FPGS: variants seen among roughly 807,000 people sequenced by gnomAD.
The protein encoded by FPGS is folylpolyglutamate synthase, mitochondrial.
Under a neutral mutation model 66.5 loss-of-function variants are expected in FPGS, and 53 were observed. The ratio of observed to expected loss-of-function variants is 0.80; its 90% CI spans 0.64 to 1.00. FPGS has a LOEUF of 1.00. FPGS is among the 50% of genes least tolerant of loss of function. The probability of loss-of-function intolerance (pLI) is 0.00; values close to 1 mark genes in which losing one functional copy is unlikely to be tolerated. For missense variants in FPGS, 702 were observed against 807.7 expected (o/e 0.87, Z 1.59); for synonymous variants, 348 against 350.9 (o/e 0.99, Z 0.09).
rs768817305 is a variant in FPGS at position 127,807,824 on chromosome 9, C to G, written c.744+136C>G. The G allele has an allele frequency of 1.6e-6, 1 of 625,750 alleles. No homozygotes were observed. The highest frequency in any genetic ancestry group is 2.8e-6 in the Non-Finnish European group (1 of 362,708). The allele number at this position is 625,750 out of a possible 1,614,324, so 38.8% of individuals were successfully genotyped here. On this transcript the variant is annotated intron_variant, in intron 8 of 14. Coordinates refer to ENST00000373247, the MANE Select transcript of FPGS (RefSeq NM_004957.6). This position sits in a 1 kb window ranked among gnomAD's most constrained non-coding sequence, Gnocchi z 5.8. ...TTCCCCATTGAAACGTGAGGGATGG[C>G]TGGGCATGGTGGCTTATATGCTTGC...
chr9:127,806,861 G>A (rs1588554241), intron 4 of FPGS, 112 bp from the exon 5 acceptor site: 4 of 777,054 alleles, frequency 5.1e-6, no homozygotes, highest in East Asian at 2.5e-5. Flanking sequence ...GGAACAAACC[G>A]AGGGACACAG....
rs1264757330 is a variant in FPGS at position 127,803,119 on chromosome 9, C to T, written c.138+57C>T. The T allele has an allele frequency of 2.3e-6, 3 of 1,297,762 alleles. No individual in the cohort carries two copies. In the East Asian group the frequency reaches 9.5e-5, roughly 41 times the overall value. The allele number at this position is 1,297,762 out of a possible 1,614,324, so 80.4% of individuals were successfully genotyped here. ...GGGCGCGACGACACGTGGGCCTGCG[C>T]TGAGCCGCAGAACATCCGGGCTCCG... is the stretch of plus-strand genomic sequence containing the variant. On this transcript the variant is annotated intron_variant, in intron 1 of 14. Coordinates refer to ENST00000373247, the MANE Select transcript of FPGS (RefSeq NM_004957.6).
At position 127,810,084 on chromosome 9, in the gene FPGS, C is replaced by T. The variant is rs1209926519; in HGVS notation, c.1265C>T (p.Ala422Val). The T allele has an allele frequency of 2.5e-6, 4 of 1,613,032 alleles. No individual in the cohort carries two copies. Among genetic ancestry groups the T allele is most frequent in the African/African-American group, 2.7e-5 (2 of 74,894 alleles). Residue 422 changes from alanine to valine, a missense_variant, in exon 13 of 15, where the codon GCG (alanine) becomes GTG (valine). This residue lies in a region of FPGS where 351 missense variants were observed against 363.7 expected (regional missense o/e 0.97). Transcript: ENST00000373247. ...AATGCTACCGGGGACCGGGACCCGG[C>T]GGCCCTGCTGAAGCTGCTGCAGGTG... ...LFNATGDRDP[A>V]ALLKLLQPCQ...
chr9:127,809,139 C>T (rs1232922609), intron 11 of FPGS, among the ~76,000 whole-genome samples: 1 of 152,038 alleles, frequency 6.6e-6, no homozygotes, highest in Non-Finnish European at 1.5e-5. Flanking sequence ...TGGGGATTCG[C>T]TGAGGTGACA....
In FPGS at chr9:127,813,906, T is replaced by G; in HGVS notation, c.*302T>G. The G allele has an allele frequency of 2.6e-6, 3 of 1,160,916 alleles. No individual in the cohort carries two copies. The highest frequency in any genetic ancestry group is 3.2e-6 in the Non-Finnish European group (3 of 942,964). The allele number at this position is 1,160,916 out of a possible 1,614,324, so 71.9% of individuals were successfully genotyped here. The stretch of plus-strand genomic sequence containing the variant: ...TGCCTCCTGGCTCAGGCCCAGCTTA[T>G]TGTGTGCGCTGCCTGGCCAGGCCCT... On this transcript the variant is annotated 3_prime_UTR_variant, in exon 15 of 15. Transcript: ENST00000373247.
intron 11 of FPGS, 127 bp downstream of exon 11, chr9:127,809,016 A>T: frequency 2.8e-6 from 2 of 725,910 alleles, no homozygotes; most frequent in Non-Finnish European, 4.5e-6. Flanking sequence ...GCTTAAGAGA[A>T]AGGACTCTGA....
At chr9:127,808,774 C>T (rs569113230) in intron 10 of FPGS, 26 bp from the exon 11 acceptor site, 1 of 1,554,718 alleles carries the variant, frequency 6.4e-7, no homozygotes, top group East Asian at 2.4e-5. Flanking sequence ...GGGTCCCGGA[C>T]ACACTTGGTC....
chr9:127,807,589 GC>G lies in FPGS; in HGVS notation c.647del (p.Pro216LeufsTer51). ...ATGGCCTTTTCCTCCCCTGCAGGAA[GC>G]CTGTGGTGTGCGGAGTCTCCTCTCT... ...AYDCTNIIRK[P>X]VVCGVSSLGI... On this transcript the variant is annotated frameshift_variant, in exon 8 of 15. Transcript: ENST00000373247. LOFTEE classifies it high-confidence loss of function. This position sits in a 1 kb window ranked among gnomAD's most constrained non-coding sequence, Gnocchi z 5.8. 6.2e-7 allele frequency: 1 copy of G among 1,613,514 alleles called. No individual in the cohort carries two copies. Among genetic ancestry groups the G allele is most frequent in the Non-Finnish European group, 8.5e-7 (1 of 1,179,704 alleles).
intron 4 of FPGS, among the ~76,000 whole-genome samples, chr9:127,805,545 C>T (rs527638123): frequency 3.0e-4 from 45 of 152,132 alleles, no homozygotes; most frequent in Non-Finnish European, 5.7e-4. Flanking sequence ...GGGAGGATCA[C>T]TGGAGCTCAG....
chr9:127,805,089 A>G (rs1037741742), intron 4 of FPGS, among the ~76,000 whole-genome samples: 1 of 152,028 alleles, frequency 6.6e-6, no homozygotes, highest in Admixed American at 6.6e-5. Context: ...GGGTTTCACC[A>G]TGTTGGCCAG....
In FPGS at chr9:127,813,611, C is replaced by T. The variant is rs771821714; in HGVS notation, c.*7C>T. 3.3e-6 allele frequency: 5 copies of T among 1,508,068 alleles called. No individual in the cohort carries two copies. The South Asian group carries it at 6.7e-5, about 20-fold the overall frequency. 93.4% of individuals were successfully genotyped at this position (1,508,068 alleles called of 1,614,324 possible). On this transcript the variant is annotated 3_prime_UTR_variant, in exon 15 of 15. Transcript: ENST00000373247. ...GCCCGCACTGTCCCAGTAGCCAAGG[C>T]CCGGGGTTGGAGGTGGGAGCTTCCC...
In FPGS at chr9:127,809,806, G is replaced by A. The variant is rs982514535; in HGVS notation, c.1183G>A (p.Ala395Thr). Residue 395 changes from alanine to threonine, a missense_variant, in exon 12 of 15, where the codon GCG becomes ACG. By Grantham distance (58) the Ala-to-Thr change is moderately conservative. Around this residue, in one of 3 missense-constraint regions of FPGS, gnomAD observed 351 missense variants for 363.7 expected, o/e 0.97. Transcript: ENST00000373247. ...GGCCTGCGTGCGCTGGTTCCGCCAG[G>A]CGCTGCAGGGCCGCGAGAGGCCGAG... Reference protein sequence around the residue: ...AQACVRWFRQALQGRERPSGG... With the variant: ...AQACVRWFRQTLQGRERPSGG... 6.7e-7 allele frequency: 1 copy of A among 1,489,990 alleles called. No homozygotes were observed. Among genetic ancestry groups the A allele is most frequent in the East Asian group, 2.5e-5 (1 of 39,284 alleles). 92.3% of individuals were successfully genotyped at this position (1,489,990 alleles called of 1,614,324 possible).
chr9:127,810,569 G>C (rs1351477197), intron 13 of FPGS, among the ~76,000 whole-genome samples: 2 of 152,004 alleles, frequency 1.3e-5, no homozygotes, highest in Non-Finnish European at 2.9e-5. Context: ...TGGCCCCTAG[G>C]TATCATCTCC....
downstream of FPGS, chr9:127,814,275 TCTGCAGACCCCC>T (rs1442720219): frequency 2.6e-6 from 1 of 387,370 alleles, no homozygotes; most frequent in East Asian, 1.6e-4. Context: ...GGCAGTGCTT[TCTGCAGACCCCC>T]TTGCAGAGAC....
Position 127,808,813 on chromosome 9 carries a change from A to G in FPGS, c.984A>G (p.Pro328=). 1 of 1,560,854 alleles carries G rather than the reference A, an allele frequency of 6.4e-7. No individual in the cohort carries two copies. Among genetic ancestry groups the G allele is most frequent in the Non-Finnish European group, 8.7e-7 (1 of 1,152,564 alleles). The change falls in exon 11 of 15, where the codon CCA becomes CCG. Residue 328 remains proline, a synonymous_variant. Transcript: ENST00000373247. ...QRQDRHGAGE[P]KASRPGLLWQ... is the part of the protein sequence containing the mutation. Reference sequence around the variant, plus strand: ...CACACCCCGCAGGTGCTGGGGAGCCAAAGGCATCCAGGCCAGGGCTCCTGT... The same window carrying G: ...CACACCCCGCAGGTGCTGGGGAGCCGAAGGCATCCAGGCCAGGGCTCCTGT...
intron 2 of FPGS, 27 bp downstream of exon 2, chr9:127,804,440 C>G (rs780805493): frequency 6.2e-7 from 1 of 1,613,978 alleles, no homozygotes; most frequent in South Asian, 1.1e-5. Context: ...CTGTGACCAC[C>G]TCCCACCCCC....
Position 127,813,440 on chromosome 9 carries a change from A to G in FPGS, c.1600A>G (p.Ile534Val), listed in dbSNP as rs778086953. ...ATGGATCAGCCAAGGCCGAGACCCC[A>G]TCTTCCAGCCACCTAGTCCCCCAAA... Reference protein sequence around the residue: ...LQWISQGRDPIFQPPSPPKGL... With the variant: ...LQWISQGRDPVFQPPSPPKGL... The change falls in exon 15 of 15, where the codon ATC becomes GTC. Residue 534 changes from isoleucine to valine, a missense_variant. By Grantham distance (29) the Ile-to-Val change is conservative (BLOSUM62 3). This residue lies in a region of FPGS where 351 missense variants were observed against 363.7 expected (regional missense o/e 0.97). Transcript: ENST00000373247. 38 of 1,610,972 alleles carry G rather than the reference A, an allele frequency of 2.4e-5. No homozygotes were observed. In the South Asian group the frequency reaches 3.7e-4, roughly 16 times the overall value.
chr9:127,803,456 T>C, intron 1 of FPGS: 2 of 982,902 alleles, frequency 2.0e-6, no homozygotes, highest in Non-Finnish European at 2.4e-6. Flanking sequence ...AGTATTGATC[T>C]GGGGGTGGGC....
intron 4 of FPGS, 94 bp from the exon 5 acceptor site, chr9:127,806,879 G>A (rs572622602): frequency 4.5e-6 from 4 of 894,820 alleles, no homozygotes; most frequent in Middle Eastern, 6.5e-4. Flanking sequence ...CAGGAGAGAT[G>A]AGGCACGGAG....
Sources: gnomAD v4.1 joint callset for allele counts (sites outside exome capture counted in the v4.1 genomes callset) on GRCh38, gnomAD v4.1.1 for gene constraint, gnomAD v4.1.1 regional missense constraint, Gnocchi (gnomAD v3.1) non-coding constraint, MANE v1.5 for transcripts, NCBI Gene and HGNC (gene_info 2026-07-23, HGNC 2026-07-21) for gene names.